The following VPS35L variants were observed in gnomAD, a reference collection of about 807,000 sequenced individuals.
VPS35L encodes the protein VPS35 endosomal protein-sorting factor-like.
A neutral mutation model predicts 133.0 loss-of-function variants in VPS35L; 83 were observed. The ratio of observed to expected loss-of-function variants is 0.62; its 90% CI spans 0.52 to 0.75. VPS35L has a LOEUF of 0.75. Among genes scored for constraint, VPS35L ranks in the 30% least tolerant of loss-of-function variants. The probability of loss-of-function intolerance (pLI) is 0.00; values close to 1 mark genes in which losing one functional copy is unlikely to be tolerated. For synonymous variants in VPS35L, 423 were observed against 449.9 expected, an observed-to-expected ratio of 0.94 and a Z score of 0.76; for missense variants, 1,083 against 1,206.8, an observed-to-expected ratio of 0.90 and a Z score of 1.52.
chr16:19,691,334 G>A lies in VPS35L; in HGVS notation c.2528-19G>A. ...CCGCGGGGCTTGGGTCTGTCTCACT[G>A]TTCTTGTTTGTTCAACAGTGGACTC... On this transcript the variant is annotated intron_variant, in intron 28 of 30. Transcript: ENST00000417362. 3 of 1,599,572 alleles carry A rather than the reference G, an allele frequency of 1.9e-6. No homozygotes were observed. The highest frequency in any genetic ancestry group is 2.6e-6 in the Non-Finnish European group (3 of 1,166,988).
chr16:19,568,917 A>T (rs1971274051), intron 2 of VPS35L, among the ~76,000 whole-genome samples: 1 of 152,132 alleles, frequency 6.6e-6, no homozygotes, highest in Non-Finnish European at 1.5e-5. Context: ...AAGTGTTGGG[A>T]TACAGGCATG....
rs1183587317 is a variant in VPS35L, at chr16:19,576,178, AAAC to A, written c.433+1059_433+1061del. ...GAGACTCTGTCTCAAAAAAAAAAAA[AAAC>A]AAAAAAAAAAAACAAAGAGGTTACT... On this transcript the variant is annotated intron_variant, in intron 5 of 30. Coordinates refer to ENST00000417362, the MANE Select transcript of VPS35L (RefSeq NM_020314.7). Among the ~76,000 whole-genome samples the A allele has an allele frequency of 1.4e-3, 192 of 138,742 alleles. 3 individuals are homozygous for A. The highest frequency in any genetic ancestry group is 5.0e-3 in the African/African-American group (170 of 33,808). The allele number at this position is 138,742 out of a possible 152,430, so 91.0% of individuals were successfully genotyped here.
chr16:19,612,893 C>T (rs1330073749), intron 12 of VPS35L, among the ~76,000 whole-genome samples: 2 of 152,030 alleles, frequency 1.3e-5, no homozygotes, highest in Non-Finnish European at 2.9e-5. Context: ...CAGAGCAGAC[C>T]CCCCACAAGA....
chr16:19,637,715 G>T, intron 20 of VPS35L, 59 bp downstream of exon 20: 1 of 1,237,700 alleles, frequency 8.1e-7, no homozygotes, highest in Non-Finnish European at 1.1e-6. Context: ...GGTTCTCATT[G>T]TCTCAGTAAT....
At chr16:19,623,863 G>T (rs1973170949) in intron 14 of VPS35L, among the ~76,000 whole-genome samples, 1 of 147,470 alleles carries the variant, frequency 6.8e-6, no homozygotes, top group South Asian at 2.1e-4. Flanking sequence ...AAGTGCTGTG[G>T]TGCAGTCTTG....
chr16:19,608,206 C>CA lies in VPS35L; in HGVS notation c.814dup (p.Thr272AsnfsTer33). Reference sequence around the variant, plus strand: ...ACTTTTCTCCAGAGAATGCAAATGACACGGCCAAGGAAACATGCCTAAATT... The same window carrying CA: ...ACTTTTCTCCAGAGAATGCAAATGACAACGGCCAAGGAAACATGCCTAAATT... On this transcript the variant is annotated frameshift_variant, in exon 10 of 31. Transcript: ENST00000417362. LOFTEE classifies it high-confidence loss of function. The CA allele has an allele frequency of 6.2e-7, 1 of 1,613,328 alleles. No individual in the cohort carries two copies. Among genetic ancestry groups the CA allele is most frequent in the Non-Finnish European group, 8.5e-7 (1 of 1,179,606 alleles).
At chr16:19,608,930 T>C (rs767943823) in intron 10 of VPS35L, 44 bp from the exon 11 acceptor site, 2 of 1,579,556 alleles carry the variant, frequency 1.3e-6, no homozygotes, top group African/African-American at 2.7e-5. Context: ...CCATAGGGAG[T>C]AGACCTTCTG....
chr16:19,653,923 G>A (rs1390089976), intron 26 of VPS35L, among the ~76,000 whole-genome samples: 1 of 152,158 alleles, frequency 6.6e-6, no homozygotes, highest in Non-Finnish European at 1.5e-5. Context: ...GACTTCAGTA[G>A]CTTCTGAGTG....
At chr16:19,636,281 A>C (rs535123731) in intron 19 of VPS35L, among the ~76,000 whole-genome samples, 3 of 152,356 alleles carry the variant, frequency 2.0e-5, no homozygotes, top group Admixed American at 6.5e-5. Context: ...ATGATAAAGT[A>C]AATGTATTAA....
chr16:19,696,097 G>C (rs1049685061), intron 29 of VPS35L, among the ~76,000 whole-genome samples: 5 of 124,082 alleles, frequency 4.0e-5, no homozygotes, highest in African/African-American at 1.4e-4. Flanking sequence ...TGTTAGCCAG[G>C]ATGGTCTCGA....
intron 27 of VPS35L, among the ~76,000 whole-genome samples, chr16:19,670,498 G>GT (rs1974839967): frequency 6.6e-6 from 1 of 152,230 alleles, no homozygotes; most frequent in Non-Finnish European, 1.5e-5. Context: ...TGAATATTAA[G>GT]TTAGTGAGTA....
intron 3 of VPS35L, 59 bp downstream of exon 3, chr16:19,569,650 G>A: frequency 1.4e-6 from 2 of 1,457,416 alleles, no homozygotes; most frequent in Middle Eastern, 1.8e-4. Flanking sequence ...GCAGGAATGG[G>A]TGGTTTTCTT....
At chr16:19,562,864 C>T (rs1282085492) in intron 1 of VPS35L, among the ~76,000 whole-genome samples, 9 of 151,998 alleles carry the variant, frequency 5.9e-5, no homozygotes, top group Non-Finnish European at 1.5e-5. Flanking sequence ...AAGCGATCCT[C>T]CCACCTCAGC....
At chr16:19,698,123 T>G (rs933701597) in intron 29 of VPS35L, among the ~76,000 whole-genome samples, 12 of 152,218 alleles carry the variant, frequency 7.9e-5, no homozygotes, top group African/African-American at 2.9e-4. Context: ...AATCAAGGTC[T>G]TGCTGGCTGG....
Position 19,559,388 on chromosome 16 carries a change from CT to C in VPS35L, c.17+3648del, listed in dbSNP as rs1277950589. On this transcript the variant is annotated intron_variant, in intron 1 of 30. Coordinates refer to ENST00000417362, the MANE Select transcript of VPS35L (RefSeq NM_020314.7). ...AATAGTGGAGGTGTGAAATGGTGGC[CT>C]TTTTTCCTGTGGCAGGTGCCAGTGA... Among the ~76,000 whole-genome samples, 10 of 152,240 alleles carry C rather than the reference CT, an allele frequency of 6.6e-5. No homozygotes were observed. The East Asian group carries it at 1.9e-3, about 29-fold the overall frequency.
At chr16:19,690,553 G>A (rs1467871829) in intron 28 of VPS35L, among the ~76,000 whole-genome samples, 2 of 152,224 alleles carry the variant, frequency 1.3e-5, no homozygotes, top group African/African-American at 4.8e-5. Context: ...AGGGCAGGCA[G>A]CTGGATGCGG....
chr16:19,567,123 C>T (rs1971213822), intron 2 of VPS35L, among the ~76,000 whole-genome samples: 1 of 152,112 alleles, frequency 6.6e-6, no homozygotes, highest in Non-Finnish European at 1.5e-5. Flanking sequence ...TTTACATGTC[C>T]AATGAGGTTA....
At chr16:19,623,880 T>G (rs1973171579) in intron 14 of VPS35L, among the ~76,000 whole-genome samples, 1 of 149,482 alleles carries the variant, frequency 6.7e-6, no homozygotes, top group East Asian at 2.0e-4. Flanking sequence ...CTTGGCTTAC[T>G]GCAGTCTCGA....
intron 27 of VPS35L, among the ~76,000 whole-genome samples, chr16:19,671,206 A>G (rs896738703): frequency 3.3e-5 from 5 of 152,206 alleles, no homozygotes; most frequent in African/African-American, 1.2e-4. Flanking sequence ...ACCGTGGCTC[A>G]TGCCTGTATC....
Sources: gnomAD v4.1 joint callset for allele counts (sites outside exome capture counted in the v4.1 genomes callset) on GRCh38, gnomAD v4.1.1 for gene constraint, MANE v1.5 for transcripts, NCBI Gene and HGNC (gene_info 2026-07-23, HGNC 2026-07-21) for gene names.